DROSHA: variants seen among roughly 807,000 people sequenced by gnomAD.
The protein encoded by DROSHA is drosha ribonuclease III.
A neutral mutation model predicts 181.9 loss-of-function variants in DROSHA; 56 were observed. That is an observed-to-expected ratio of 0.31 (90% CI 0.25 to 0.38). The LOEUF (loss-of-function observed/expected upper bound fraction) is 0.38. Among genes scored for constraint, DROSHA ranks in the 10% least tolerant of loss-of-function variants. The pLI, the probability that DROSHA is intolerant of heterozygous loss-of-function variation, is 1.00. For synonymous variants in DROSHA, 524 were observed against 591.2 expected (o/e 0.89, Z 1.65); for missense variants, 1,218 against 1,743.5 (o/e 0.70, Z 5.37).
intron 10 of DROSHA, among the ~76,000 whole-genome samples, chr5:31,506,802 G>A (rs1459178812): frequency 6.6e-6 from 1 of 152,120 alleles, no homozygotes; most frequent in Non-Finnish European, 1.5e-5. Flanking sequence ...GGATCTCCAG[G>A]GAAGCAGAGA....
At chr5:31,528,637 C>G (rs1252370653) in intron 4 of DROSHA, among the ~76,000 whole-genome samples, 1 of 152,168 alleles carries the variant, frequency 6.6e-6, no homozygotes, top group South Asian at 2.1e-4. Context: ...TCTTACATGG[C>G]TATTATAATA....
intron 20 of DROSHA, among the ~76,000 whole-genome samples, chr5:31,455,815 T>C (rs1747588733): frequency 1.3e-5 from 2 of 152,022 alleles, no homozygotes; most frequent in African/African-American, 2.4e-5. Context: ...TAATTTTTTG[T>C]ATTTTTTGTA....
chr5:31,403,303 A>T (rs998185088), intron 35 of DROSHA, among the ~76,000 whole-genome samples: 2 of 152,224 alleles, frequency 1.3e-5, no homozygotes, highest in Admixed American at 1.3e-4. Context: ...TTGAAAAACA[A>T]AATTCACATT....
Position 31,530,714 on chromosome 5 carries a change from C to T in DROSHA, c.-47+84G>A, listed in dbSNP as rs558846298. On this transcript the variant is annotated intron_variant, in intron 3 of 35. Transcript: ENST00000344624. ...CATCTATCAATCTTAAATGCCACCT[C>T]CTCTATGAAGCCCTTCCTGATTCCC... 51 of 394,910 alleles carry T rather than the reference C, an allele frequency of 1.3e-4. No homozygotes were observed. The Middle Eastern group carries it at 1.9e-3, about 15-fold the overall frequency. 24.5% of individuals were successfully genotyped at this position (394,910 alleles called of 1,614,324 possible). A position where few individuals can be genotyped will look rare whatever the true frequency, so the allele number is the denominator to read the frequency against.
intron 31 of DROSHA, among the ~76,000 whole-genome samples, chr5:31,410,157 A>C (rs900717562): frequency 1.3e-5 from 2 of 152,198 alleles, no homozygotes; most frequent in Non-Finnish European, 2.9e-5. Flanking sequence ...TGTCAAAAAT[A>C]CCGTAACATT....
intron 6 of DROSHA, among the ~76,000 whole-genome samples, chr5:31,516,022 G>T (rs572298236): frequency 6.6e-6 from 1 of 152,184 alleles, no homozygotes; most frequent in South Asian, 2.1e-4. Flanking sequence ...TTGGAAGGCC[G>T]AGGCGGGAGG....
At position 31,461,982 on chromosome 5, in the gene DROSHA, T is replaced by C. The variant is rs116189333; in HGVS notation, c.2574+2254A>G. 1.7e-3 allele frequency among the ~76,000 whole-genome samples: 266 copies of C among 152,228 alleles called. 2 individuals carry two copies. Among genetic ancestry groups the C allele is most frequent in the African/African-American group, 5.9e-3 (246 of 41,534 alleles). Reference sequence around the variant, plus strand: ...CTAACCTTGACAGCTAAATAATGCATCCAGGATAATTTGATTTTGGTGTGT... The same window carrying C: ...CTAACCTTGACAGCTAAATAATGCACCCAGGATAATTTGATTTTGGTGTGT... On this transcript the variant is annotated intron_variant, in intron 20 of 35. Coordinates refer to ENST00000344624, the MANE Select transcript of DROSHA (RefSeq NM_001382508.1).
chr5:31,526,871 C>G lies in DROSHA; in HGVS notation c.62G>C (p.Gly21Ala). Residue 21 changes from glycine (G) to alanine (A), a missense_variant, in exon 5 of 36, where the codon GGA becomes GCA. This residue lies in a region of DROSHA where 536 missense variants were observed against 535.4 expected (regional missense o/e 1.00). Transcript: ENST00000344624. The part of the protein sequence containing the change: ...SFHPGRGCPR[G>A]RGGHGARPSA... ...GGGTCTGGCTCCATGTCCTCCTCGT[C>G]CTCGGGGACACCCTCGTCCCGGGTG... 1 of 1,613,196 alleles carries G rather than the reference C, an allele frequency of 6.2e-7. No homozygotes were observed. Among genetic ancestry groups the G allele is most frequent in the East Asian group, 2.2e-5 (1 of 44,862 alleles).
intron 6 of DROSHA, among the ~76,000 whole-genome samples, chr5:31,516,118 T>C (rs905997885): frequency 6.6e-6 from 1 of 152,162 alleles, no homozygotes; most frequent in Non-Finnish European, 1.5e-5. Flanking sequence ...TAGCCAGGCA[T>C]GTTGGTGCAC....
intron 14 of DROSHA, among the ~76,000 whole-genome samples, chr5:31,485,247 T>C (rs1156335489): frequency 2.0e-5 from 3 of 152,172 alleles, no homozygotes; most frequent in Non-Finnish European, 4.4e-5. Flanking sequence ...TTTTTCTAAT[T>C]CAATTATAAA....
intron 14 of DROSHA, 44 bp downstream of exon 14, chr5:31,486,446 CA>C: frequency 6.3e-7 from 1 of 1,596,986 alleles, no homozygotes. Context: ...ATGGAACAAG[CA>C]AAAGAGCAAA....
chr5:31,527,366 C>T (rs1740717865), intron 4 of DROSHA: 1 of 165,398 alleles, frequency 6.0e-6, no homozygotes, highest in Admixed American at 5.6e-5. Flanking sequence ...TGATACCAGA[C>T]CCTTCACATC....
chr5:31,526,243 G>T lies in DROSHA; in HGVS notation c.690C>A (p.Asp230Glu), dbSNP rs1561299476. The T allele has an allele frequency of 6.2e-7, 1 of 1,613,892 alleles. No individual in the cohort carries two copies. Among genetic ancestry groups the T allele is most frequent in the Admixed American group, 1.7e-5 (1 of 60,018 alleles). Residue 230 changes from aspartate to glutamate, a missense_variant, in exon 5 of 36, where the codon GAC becomes GAA. By Grantham distance (45) the Asp-to-Glu change is conservative. This residue lies in a region of DROSHA where 536 missense variants were observed against 535.4 expected (regional missense o/e 1.00). Transcript: ENST00000344624. ...RSPERLKHYDDHRHRDHSHGR... is the reference protein window; with the variant it reads ...RSPERLKHYDEHRHRDHSHGR... ...CATGACTGTGATCTCGGTGCCTGTG[G>T]TCATCATAGTGTTTCAGCCTTTCTG...
chr5:31,448,364 G>C (rs1286621748), intron 23 of DROSHA, among the ~76,000 whole-genome samples, 183 bp downstream of exon 23: 1 of 152,192 alleles, frequency 6.6e-6, no homozygotes, highest in Admixed American at 6.5e-5. Context: ...CATGGGAAGA[G>C]ATTACTAATG....
chr5:31,478,887 T>C (rs73749970), intron 16 of DROSHA, among the ~76,000 whole-genome samples: 2,055 of 152,274 alleles, frequency 0.013, 51 homozygotes, highest in African/African-American at 0.047. Context: ...AAAATGTACA[T>C]ACTATCTTAA....
At chr5:31,479,223 A>T (rs191226740) in intron 16 of DROSHA, among the ~76,000 whole-genome samples, 2 of 152,350 alleles carry the variant, frequency 1.3e-5, no homozygotes, top group East Asian at 3.9e-4. Context: ...AACAATACAA[A>T]TCAAGCCATT....
At chr5:31,454,986 T>A (rs1747475650) in intron 20 of DROSHA, among the ~76,000 whole-genome samples, 1 of 149,424 alleles carries the variant, frequency 6.7e-6, no homozygotes, top group African/African-American at 2.5e-5. Flanking sequence ...ACCAATAACC[T>A]TCGAAATAAG....
intron 16 of DROSHA, among the ~76,000 whole-genome samples, chr5:31,474,840 G>C (rs1353046377): frequency 6.6e-6 from 1 of 152,190 alleles, no homozygotes; most frequent in African/African-American, 2.4e-5. Context: ...ATGGCTGGCT[G>C]TGAAACAGTA....
At chr5:31,472,286 C>T (rs1346205692) in intron 16 of DROSHA, 54 bp from the exon 17 acceptor site, 69 of 1,514,944 alleles carry the variant, frequency 4.6e-5, no homozygotes, top group Non-Finnish European at 5.8e-5. Flanking sequence ...ACTCAACTTA[C>T]AGCAAATCAA....
Sources: gnomAD v4.1 joint callset for allele counts (sites outside exome capture counted in the v4.1 genomes callset) on GRCh38, gnomAD v4.1.1 for gene constraint, gnomAD v4.1.1 regional missense constraint, MANE v1.5 for transcripts, NCBI Gene and HGNC (gene_info 2026-07-23, HGNC 2026-07-21) for gene names.